ZRANB1: variants seen among roughly 807,000 people sequenced by gnomAD.
ZRANB1 encodes ubiquitin thioesterase ZRANB1.
In ZRANB1, 16 loss-of-function variants were observed where a neutral mutation model predicts 80.5. The ratio of observed to expected loss-of-function variants is 0.20; its 90% CI spans 0.13 to 0.30. The LOEUF (loss-of-function observed/expected upper bound fraction) is 0.30. Ranked by LOEUF, ZRANB1 falls within the 10% of genes least tolerant of loss-of-function variation. The pLI, the probability that ZRANB1 is intolerant of heterozygous loss-of-function variation, is 1.00. For synonymous variants in ZRANB1, 291 were observed against 293.1 expected, an observed-to-expected ratio of 0.99 and a Z score of 0.07; for missense variants, 576 against 862.6, an observed-to-expected ratio of 0.67 and a Z score of 4.16.
At position 124,942,329 on chromosome 10, in the gene ZRANB1, A is replaced by G. The variant is rs770067016; in HGVS notation, c.-165A>G. 3.6e-4 allele frequency: 515 copies of G among 1,426,852 alleles called. 2 individuals are homozygous for G. The highest frequency in any genetic ancestry group is 2.8e-3 in the Middle Eastern group (11 of 3,912). The allele number at this position is 1,426,852 out of a possible 1,614,324, so 88.4% of individuals were successfully genotyped here. A position where few individuals can be genotyped will look rare whatever the true frequency, so the allele number is the denominator to read the frequency against. On this transcript the variant is annotated 5_prime_UTR_variant, in exon 1 of 9. The change abolishes an upstream ATG in the 5' untranslated region. Transcript: ENST00000359653. ...TAAAAAAGAAAATTAGGATAATTCA[A>G]TGTCGAAATGTTGCATGCATCTTTT...
chr10:124,957,496 C>A (rs528486357), intron 1 of ZRANB1, among the ~76,000 whole-genome samples: 1 of 151,900 alleles, frequency 6.6e-6, no homozygotes, highest in African/African-American at 2.4e-5. Flanking sequence ...CCATTTCTAC[C>A]ATTCTCTCTA....
upstream of ZRANB1, among the ~76,000 whole-genome samples, chr10:124,937,183 ATTT>A (rs35095657): frequency 7.0e-3 from 657 of 93,962 alleles, 2 homozygotes; most frequent in African/African-American, 0.022. Context: ...ATTTGTGTGT[ATTT>A]TTTTTTTTTT....
intron 5 of ZRANB1, among the ~76,000 whole-genome samples, chr10:124,976,091 T>G (rs974360020): frequency 6.6e-6 from 1 of 152,166 alleles, no homozygotes; most frequent in African/African-American, 2.4e-5. Flanking sequence ...ATGACCTGAC[T>G]GGATGTATAA....
At chr10:124,931,918 C>T in the ZRANB1 span, among the ~76,000 whole-genome samples, 1 of 152,156 alleles carries the variant, frequency 6.6e-6, no homozygotes. Context: ...AAGTATCTAT[C>T]ATAATAGCAC....
the ZRANB1 span, among the ~76,000 whole-genome samples, chr10:124,929,976 CT>C: frequency 6.7e-6 from 1 of 148,234 alleles, no homozygotes; most frequent in East Asian, 2.1e-4. Context: ...ATATGGGGTA[CT>C]TTAAGAGGGA....
the ZRANB1 span, among the ~76,000 whole-genome samples, chr10:124,924,606 T>C: frequency 3.3e-5 from 5 of 152,164 alleles, no homozygotes; most frequent in African/African-American, 9.7e-5. Flanking sequence ...TTTTCTCTTA[T>C]AATACTTCCA....
At chr10:124,946,653 GA>G in intron 1 of ZRANB1, among the ~76,000 whole-genome samples, 1 of 152,064 alleles carries the variant, frequency 6.6e-6, no homozygotes, top group Non-Finnish European at 1.5e-5. Context: ...ATGTCATTCT[GA>G]ACTGTTATAC....
At chr10:124,982,867 C>G (rs897865150) in intron 6 of ZRANB1, among the ~76,000 whole-genome samples, 17 of 152,180 alleles carry the variant, frequency 1.1e-4, no homozygotes, top group Non-Finnish European at 1.9e-4. Context: ...ATAAAGCATC[C>G]TTAGTTATCT....
At chr10:124,971,697 A>G (rs961365773) in intron 2 of ZRANB1, among the ~76,000 whole-genome samples, 1 of 152,168 alleles carries the variant, frequency 6.6e-6, no homozygotes, top group African/African-American at 2.4e-5. Context: ...ACCCTTTTCC[A>G]TACATTTTTA....
chr10:124,934,123 A>T, the ZRANB1 span, among the ~76,000 whole-genome samples: 1 of 152,146 alleles, frequency 6.6e-6, no homozygotes, highest in Non-Finnish European at 1.5e-5. Flanking sequence ...CATTTTGAAG[A>T]TTTAGGTTTG....
chr10:124,954,858 G>A (rs541689631), intron 1 of ZRANB1, among the ~76,000 whole-genome samples: 2 of 151,380 alleles, frequency 1.3e-5, no homozygotes, highest in South Asian at 2.1e-4. Context: ...GGCCGGGCAC[G>A]GTTTCTCACG....
intron 1 of ZRANB1, among the ~76,000 whole-genome samples, chr10:124,954,870 C>T (rs1648524129): frequency 6.6e-6 from 1 of 151,446 alleles, no homozygotes; most frequent in African/African-American, 2.4e-5. Flanking sequence ...TTTCTCACGC[C>T]TGTAATCCCA....
At chr10:124,958,238 C>T (rs549277103) in intron 1 of ZRANB1, among the ~76,000 whole-genome samples, 16 of 152,240 alleles carry the variant, frequency 1.1e-4, no homozygotes, top group Admixed American at 9.8e-4. Flanking sequence ...TGCAACGTAG[C>T]GGGACCTCTT....
At chr10:124,932,372 C>T in the ZRANB1 span, among the ~76,000 whole-genome samples, 1 of 148,786 alleles carries the variant, frequency 6.7e-6, no homozygotes, top group African/African-American at 2.5e-5. Flanking sequence ...TCACTGCAAC[C>T]TCTGCCTCCT....
At chr10:124,966,478 A>T (rs996785037) in intron 1 of ZRANB1, 116 bp from the exon 2 acceptor site, 15 of 1,005,662 alleles carry the variant, frequency 1.5e-5, no homozygotes, top group African/African-American at 3.2e-5. Flanking sequence ...TAAATGATGC[A>T]TCAGGATCCA....
chr10:124,921,375 C>T, the ZRANB1 span, among the ~76,000 whole-genome samples: 41 of 152,202 alleles, frequency 2.7e-4, no homozygotes, highest in African/African-American at 9.2e-4. Context: ...ACCTGTCAAC[C>T]GTCTTGAATG....
Position 124,984,890 on chromosome 10 carries a change from G to C in ZRANB1, c.2025G>C (p.Leu675=), listed in dbSNP as rs1243064634. 1 of 1,613,946 alleles carries C rather than the reference G, an allele frequency of 6.2e-7. No individual in the cohort carries two copies. The change falls in exon 9 of 9, where the codon CTG becomes CTC. Residue 675 remains leucine (L), a synonymous_variant. Coordinates refer to ENST00000359653, the MANE Select transcript of ZRANB1 (RefSeq NM_017580.3). ...GTTCTCGGCGGCGAAATCACCCCCTGGTCACTCAGATGGTAGAAAAATGGC... is the reference window on the plus strand; with the variant it reads ...GTTCTCGGCGGCGAAATCACCCCCTCGTCACTCAGATGGTAGAAAAATGGC... ...QKSSRRRNHP[L]VTQMVEKWLD...
At chr10:124,967,676 G>T (rs1433017120) in intron 2 of ZRANB1, among the ~76,000 whole-genome samples, 1 of 152,078 alleles carries the variant, frequency 6.6e-6, no homozygotes, top group African/African-American at 2.4e-5. Context: ...CCATAGAAGG[G>T]TACCCAGAAG....
the ZRANB1 span, among the ~76,000 whole-genome samples, chr10:124,922,452 A>T: frequency 6.7e-6 from 1 of 149,508 alleles, no homozygotes. Flanking sequence ...CAGCCTCCCC[A>T]GTAGCTGAGA....
Sources: allele counts gnomAD v4.1 joint callset (sites outside exome capture counted in the v4.1 genomes callset), GRCh38; gene constraint gnomAD v4.1.1; transcripts MANE v1.5; gene names NCBI Gene and HGNC (gene_info 2026-07-23, HGNC 2026-07-21).